Variants in SPEG observed in about 807,000 individuals in gnomAD.
The protein encoded by SPEG is striated muscle preferentially expressed protein kinase.
A neutral mutation model predicts 300.4 loss-of-function variants in SPEG; 114 were observed. The observed-to-expected ratio is 0.38, with a 90% CI of 0.33 to 0.44. The LOEUF (loss-of-function observed/expected upper bound fraction) is 0.44. Among genes scored for constraint, SPEG ranks in the 20% least tolerant of loss-of-function variants. The probability of loss-of-function intolerance (pLI) is 1.00; values close to 1 mark genes in which losing one functional copy is unlikely to be tolerated. For synonymous variants in SPEG, 1,964 were observed against 2,018.9 expected (o/e 0.97, Z 0.73); for missense variants, 4,201 against 4,586.2 (o/e 0.92, Z 2.43).
chr2:219,488,687 A>AG, intron 33 of SPEG, 22 bp downstream of exon 33: 3 of 1,602,482 alleles, frequency 1.9e-6, no homozygotes, highest in Non-Finnish European at 2.6e-6. Context: ...GCAGGGCCCC[A>AG]GGGGGGTAGT....
chr2:219,475,117 A>G (rs1575141490), intron 18 of SPEG, among the ~76,000 whole-genome samples: 1 of 151,848 alleles, frequency 6.6e-6, no homozygotes, highest in Non-Finnish European at 1.5e-5. Flanking sequence ...TCCTTTAAAG[A>G]TGTAGTTTCT....
At position 219,468,741 on chromosome 2, in the gene SPEG, G is replaced by A. The variant is rs1012833572; in HGVS notation, c.3301+5G>A. 4.3e-6 allele frequency: 7 copies of A among 1,613,818 alleles called. No homozygotes were observed. Among genetic ancestry groups the A allele is most frequent in the African/African-American group, 2.7e-5 (2 of 74,940 alleles). ...TTGTTACCTGGACTCATTTTGGTAC[G>A]GCCCCTGTGCTGCAGGTGTTGAGGG... On this transcript the variant is annotated splice_donor_5th_base_variant and intron_variant, in intron 11 of 40. Transcript: ENST00000312358.
chr2:219,444,097 C>T lies in SPEG; in HGVS notation c.389-556C>T, dbSNP rs1209763475. On this transcript the variant is annotated intron_variant, in intron 1 of 40. Transcript: ENST00000312358. This position sits in a 1 kb window ranked among gnomAD's most constrained non-coding sequence, Gnocchi z 7.8. ...CTCCTGCTCTAGCCCCCCGCATCCC[C>T]CCCTTTCCCACCCGGCCCCGGCCTC... The T allele has an allele frequency of 1.5e-6, 2 of 1,345,702 alleles. No individual in the cohort carries two copies. The highest frequency in any genetic ancestry group is 2.0e-6 in the Non-Finnish European group (2 of 1,009,020). The allele number at this position is 1,345,702 out of a possible 1,614,324, so 83.4% of individuals were successfully genotyped here.
intron 9 of SPEG, 47 bp from the exon 10 acceptor site, chr2:219,467,127 G>T: frequency 6.5e-7 from 1 of 1,527,820 alleles, no homozygotes; most frequent in South Asian, 1.2e-5. Context: ...CCCTCACCCT[G>T]TGTGTCTCTG....
rs1689129726 is a variant in SPEG, at chr2:219,444,338, G to GAGGGAGA, written c.389-308_389-302dup. On this transcript the variant is annotated intron_variant, in intron 1 of 40. Transcript: ENST00000312358. This position sits in a 1 kb window ranked among gnomAD's most constrained non-coding sequence, Gnocchi z 7.8. ...CTTAAGCTTTCACTGACAAGGGGAG[G>GAGGGAGA]AGGGAGAAGGGAGGAGGCTCTGATA... is the stretch of plus-strand genomic sequence containing the variant. Among the ~76,000 whole-genome samples the GAGGGAGA allele has an allele frequency of 1.3e-5, 2 of 152,198 alleles. No individual in the cohort carries two copies. The highest frequency in any genetic ancestry group is 4.1e-4 in the South Asian group (2 of 4,830).
chr2:219,441,456 G>A (rs1688910867), intron 1 of SPEG: 6 of 465,464 alleles, frequency 1.3e-5, no homozygotes, highest in South Asian at 6.2e-5. Context: ...CTTGCCCTGC[G>A]TTTGACCTAG....
rs771166126 is a variant in SPEG, at chr2:219,473,954, T to C, written c.4447+51T>C. 6.4e-7 allele frequency: 1 copy of C among 1,553,800 alleles called. No homozygotes were observed. Among genetic ancestry groups the C allele is most frequent in the Non-Finnish European group, 8.7e-7 (1 of 1,149,580 alleles). On this transcript the variant is annotated intron_variant, in intron 18 of 40. Coordinates refer to ENST00000312358, the MANE Select transcript of SPEG (RefSeq NM_005876.5). The surrounding 1 kb of genome is among the most constrained non-coding windows in gnomAD (Gnocchi z 4.6). The stretch of plus-strand genomic sequence containing the variant: ...AGCCTCCCTCCAAGGCCCAAAGCTC[T>C]CTACTCACACCCCCAGGTACACAAC...
intron 31 of SPEG, among the ~76,000 whole-genome samples, chr2:219,487,056 C>T (rs988015971): frequency 2.0e-5 from 3 of 152,102 alleles, no homozygotes; most frequent in Non-Finnish European, 4.4e-5. Context: ...TCACAAGGCT[C>T]CTCAGCTTTC....
intron 13 of SPEG, 25 bp downstream of exon 13, chr2:219,469,404 G>T: frequency 6.3e-7 from 1 of 1,585,056 alleles, no homozygotes. Flanking sequence ...AGTTCCCCGG[G>T]AGTGTCCCCT....
In SPEG at chr2:219,456,147, C is replaced by T. The variant is rs903846178; in HGVS notation, c.2440+4340C>T. On this transcript the variant is annotated intron_variant, in intron 6 of 40. Coordinates refer to ENST00000312358, the MANE Select transcript of SPEG (RefSeq NM_005876.5). The stretch of plus-strand genomic sequence containing the variant: ...TTGGGACAGAGGATATATAGCTCAT[C>T]GAAGCCCATTCTGGTCCCACTCATA... Among the ~76,000 whole-genome samples, 14 of 152,318 alleles carry T rather than the reference C, an allele frequency of 9.2e-5. No individual in the cohort carries two copies. The East Asian group carries it at 1.2e-3, about 13-fold the overall frequency.
rs754154930 is a variant in SPEG, at chr2:219,468,597, C to T, written c.3162C>T (p.Ala1054=). The change falls in exon 11 of 41, where the codon GCC becomes GCT. Residue 1054 remains alanine, a synonymous_variant. Coordinates refer to ENST00000312358, the MANE Select transcript of SPEG (RefSeq NM_005876.5). ...STAKDELTCS[A]RLTVRPSLAP... ...CCACAGATGAGCTGACCTGCAGTGC[C>T]CGGCTGACCGTGCGGCCCTCGTTGG... The T allele has an allele frequency of 1.9e-6, 3 of 1,613,206 alleles. No individual in the cohort carries two copies. In the Admixed American group the frequency reaches 5.0e-5, roughly 27 times the overall value.
Position 219,479,646 on chromosome 2 carries a change from C to A in SPEG, c.5086-137C>A. ...ATATGGTAGCCTTGGATCTTTGCAA[C>A]CCCAAACCTGTTTCAGCCCCTTCCA... is the stretch of plus-strand genomic sequence containing the variant. On this transcript the variant is annotated intron_variant, in intron 23 of 40. Coordinates refer to ENST00000312358, the MANE Select transcript of SPEG (RefSeq NM_005876.5). This position sits in a 1 kb window ranked among gnomAD's most constrained non-coding sequence, Gnocchi z 5.5. 1.3e-6 allele frequency: 1 copy of A among 762,014 alleles called. No homozygotes were observed. The highest frequency in any genetic ancestry group is 2.3e-6 in the Non-Finnish European group (1 of 440,132). The allele number at this position is 762,014 out of a possible 1,614,324, so 47.2% of individuals were successfully genotyped here. A position where few individuals can be genotyped will look rare whatever the true frequency, so the allele number is the denominator to read the frequency against.
chr2:219,478,026 G>T lies in SPEG; in HGVS notation c.4948G>T (p.Ala1650Ser), dbSNP rs777877517. The change falls in exon 22 of 41, where the codon GCC becomes TCC. Residue 1650 changes from alanine to serine, a missense_variant. Around this residue, in one of 4 missense-constraint regions of SPEG, gnomAD observed 1,047 missense variants for 1,356.8 expected, o/e 0.77. Transcript: ENST00000312358. ...AGCGCGTCGGGAGGCCCGGCTGCTG[G>T]CCAGGCTCCAGCACGACTGTGTCCT... ...ASARREARLL[A>S]RLQHDCVLYF... 2.5e-6 allele frequency: 4 copies of T among 1,614,104 alleles called. No homozygotes were observed. The highest frequency in any genetic ancestry group is 2.5e-6 in the Non-Finnish European group (3 of 1,180,050).
Position 219,444,206 on chromosome 2 carries a change from C to A in SPEG, c.389-447C>A. ...GCTGGCCCCGCGGTTGGTCGAGTGCCCTGGCAGTACGACTCTGAGGTGACT... is the reference window on the plus strand; with the variant it reads ...GCTGGCCCCGCGGTTGGTCGAGTGCACTGGCAGTACGACTCTGAGGTGACT... On this transcript the variant is annotated intron_variant, in intron 1 of 40. Coordinates refer to ENST00000312358, the MANE Select transcript of SPEG (RefSeq NM_005876.5). The surrounding 1 kb of genome is among the most constrained non-coding windows in gnomAD (Gnocchi z 7.8). 2.0e-6 allele frequency: 1 copy of A among 501,716 alleles called. No homozygotes were observed. The highest frequency in any genetic ancestry group is 3.8e-4 in the Middle Eastern group (1 of 2,616). The allele number at this position is 501,716 out of a possible 1,614,324, so 31.1% of individuals were successfully genotyped here. A position where few individuals can be genotyped will look rare whatever the true frequency, so the allele number is the denominator to read the frequency against.
Position 219,468,939 on chromosome 2 carries a change from A to G in SPEG, c.3382A>G (p.Ser1128Gly). The G allele has an allele frequency of 1.2e-6, 2 of 1,614,012 alleles. No homozygotes were observed. The highest frequency in any genetic ancestry group is 1.7e-6 in the Non-Finnish European group (2 of 1,180,014). ...CTCACTGCACATTGCCCATGTGGGC[A>G]GCGAGGACGAGGGGCTCTATGCGGT... ...LHSLHIAHVG[S>G]EDEGLYAVSA... The change falls in exon 12 of 41, where the codon AGC becomes GGC. Residue 1128 changes from serine to glycine, a missense_variant. Physicochemically the swap from Ser to Gly is moderately conservative, Grantham distance 56. Around this residue, in one of 4 missense-constraint regions of SPEG, gnomAD observed 1,047 missense variants for 1,356.8 expected, o/e 0.77. Transcript: ENST00000312358.
At position 219,464,121 on chromosome 2, in the gene SPEG, TAA is replaced by T. The variant is rs113435783; in HGVS notation, c.2706-297_2706-296del. ...CTGGGTGACAGAGGGAAACCCTGTTTAAAAAAAAAAAAAAAAGACAAGAAAAA... is the reference window on the plus strand; with the variant it reads ...CTGGGTGACAGAGGGAAACCCTGTTTAAAAAAAAAAAAAAGACAAGAAAAA... On this transcript the variant is annotated intron_variant, in intron 8 of 40. Coordinates refer to ENST00000312358, the MANE Select transcript of SPEG (RefSeq NM_005876.5). This position sits in a 1 kb window ranked among gnomAD's most constrained non-coding sequence, Gnocchi z 4.5. Among the ~76,000 whole-genome samples the T allele has an allele frequency of 2.5e-4, 33 of 130,286 alleles. No individual in the cohort carries two copies. Among genetic ancestry groups the T allele is most frequent in the Non-Finnish European group, 2.5e-4 (15 of 59,750 alleles). The allele number at this position is 130,286 out of a possible 152,430, so 85.5% of individuals were successfully genotyped here.
intron 18 of SPEG, 69 bp from the exon 19 acceptor site, chr2:219,476,801 G>T: frequency 1.6e-6 from 2 of 1,238,504 alleles, no homozygotes; most frequent in Non-Finnish European, 2.4e-6. Flanking sequence ...TCTTGGGAGG[G>T]GCTGAGGAGG....
At chr2:219,450,040 A>G (rs758999478) in intron 4 of SPEG, among the ~76,000 whole-genome samples, 2 of 152,090 alleles carry the variant, frequency 1.3e-5, no homozygotes, top group Non-Finnish European at 2.9e-5. Context: ...TCCAGAATAG[A>G]TGCCTCTACC....
chr2:219,448,375 T>C lies in SPEG; in HGVS notation c.1217T>C (p.Phe406Ser). 1 of 1,567,310 alleles carries C rather than the reference T, an allele frequency of 6.4e-7. No homozygotes were observed. The highest frequency in any genetic ancestry group is 1.8e-4 in the Middle Eastern group (1 of 5,520). ...AGSRILDKLQ[F>S]FEERRRSLER... Reference sequence around the variant, plus strand: ...TCCCGCATCCTGGACAAGCTGCAGTTCTTCGAGGAGCGACGGCGCAGCCTG... The same window carrying C: ...TCCCGCATCCTGGACAAGCTGCAGTCCTTCGAGGAGCGACGGCGCAGCCTG... Residue 406 changes from phenylalanine to serine, a missense_variant, in exon 4 of 41, where the codon TTC (phenylalanine) becomes TCC (serine). Coordinates refer to ENST00000312358, the MANE Select transcript of SPEG (RefSeq NM_005876.5).
Sources: allele counts gnomAD v4.1 joint callset (sites outside exome capture counted in the v4.1 genomes callset), GRCh38; gene constraint gnomAD v4.1.1; regional missense constraint gnomAD v4.1.1; non-coding constraint Gnocchi (gnomAD v3.1); transcripts MANE v1.5; gene names NCBI Gene and HGNC (gene_info 2026-07-23, HGNC 2026-07-21).